Variants in RHOBTB1 observed in about 807,000 individuals in gnomAD.
The protein encoded by RHOBTB1 is Rho related BTB domain containing 1.
In RHOBTB1, 40 loss-of-function variants were observed where a neutral mutation model predicts 71.6. The ratio of observed to expected loss-of-function variants is 0.56; its 90% CI spans 0.43 to 0.73. RHOBTB1 has a LOEUF of 0.73. Ranked by LOEUF, RHOBTB1 falls within the 30% of genes least tolerant of loss-of-function variation. The probability of loss-of-function intolerance (pLI) is 0.00; values close to 1 mark genes in which losing one functional copy is unlikely to be tolerated. For missense variants in RHOBTB1, 797 were observed against 894.0 expected, an observed-to-expected ratio of 0.89 and a Z score of 1.38; for synonymous variants, 319 against 334.9, an observed-to-expected ratio of 0.95 and a Z score of 0.52.
intron 1 of RHOBTB1, among the ~76,000 whole-genome samples, chr10:60,999,532 T>C (rs1409784951): frequency 6.6e-6 from 1 of 152,200 alleles, no homozygotes; most frequent in Non-Finnish European, 1.5e-5. Flanking sequence ...AACAAACCAA[T>C]TATCTGCAGG....
chr10:60,875,080 C>A, intron 8 of RHOBTB1, 38 bp from the exon 9 acceptor site: 1 of 1,524,136 alleles, frequency 6.6e-7, no homozygotes, highest in Non-Finnish European at 9.1e-7. Flanking sequence ...CATTAAACCA[C>A]GCCCTGCGAG....
chr10:60,873,430 T>C (rs1417499683), intron 9 of RHOBTB1, among the ~76,000 whole-genome samples: 1 of 152,174 alleles, frequency 6.6e-6, no homozygotes, highest in Admixed American at 6.5e-5. Context: ...TAGGGTCTAA[T>C]GAATGAGCAT....
chr10:60,935,937 A>G (rs2084554221), intron 2 of RHOBTB1, among the ~76,000 whole-genome samples: 1 of 152,222 alleles, frequency 6.6e-6, no homozygotes, highest in African/African-American at 2.4e-5. Flanking sequence ...TTTACACCAC[A>G]GAAATCAGCA....
intron 1 of RHOBTB1, among the ~76,000 whole-genome samples, chr10:60,998,494 G>C (rs1417821997): frequency 6.6e-6 from 1 of 152,188 alleles, no homozygotes; most frequent in Admixed American, 6.6e-5. Context: ...ACTTCGGTTT[G>C]TAATCGGCTC....
In RHOBTB1 at chr10:60,964,927, C is replaced by T. The variant is rs73266094; in HGVS notation, c.-62+20918G>A. Among the ~76,000 whole-genome samples, 801 of 152,130 alleles carry T rather than the reference C, an allele frequency of 5.3e-3. 12 individuals carry two copies. The highest frequency in any genetic ancestry group is 0.018 in the African/African-American group (742 of 41,536). On this transcript the variant is annotated intron_variant, in intron 2 of 11. Transcript: ENST00000357917. ...TACCTTATAGGCAGAAATTAATCTGCTCTTTCATTCCTAAAGTCTTAAGGA... is the reference window on the plus strand; with the variant it reads ...TACCTTATAGGCAGAAATTAATCTGTTCTTTCATTCCTAAAGTCTTAAGGA...
chr10:60,913,406 A>G lies in RHOBTB1; in HGVS notation c.-10-1854T>C, dbSNP rs114443875. On this transcript the variant is annotated intron_variant, in intron 2 of 10. Coordinates refer to ENST00000337910, the MANE Select transcript of RHOBTB1 (RefSeq NM_014836.5). The stretch of plus-strand genomic sequence containing the variant: ...CTTATCCTGAACATCCTGGGTGGGG[A>G]AAAAGAGTCTTTAAAAATCTCCAAT... Among the ~76,000 whole-genome samples the G allele has an allele frequency of 7.6e-3, 1,155 of 152,322 alleles. 16 individuals are homozygous for G. The highest frequency in any genetic ancestry group is 0.026 in the African/African-American group (1,083 of 41,552).
intron 2 of RHOBTB1, among the ~76,000 whole-genome samples, chr10:60,965,322 C>A (rs1175048154): frequency 6.6e-6 from 1 of 151,944 alleles, no homozygotes; most frequent in Non-Finnish European, 1.5e-5. Flanking sequence ...TCACTAGACT[C>A]TTGGATGACT....
chr10:60,968,480 A>C (rs2086047214), intron 2 of RHOBTB1, among the ~76,000 whole-genome samples: 2 of 152,124 alleles, frequency 1.3e-5, no homozygotes, highest in Admixed American at 1.3e-4. Flanking sequence ...GCAGACACAG[A>C]GCTGGGTGCT....
intron 2 of RHOBTB1, among the ~76,000 whole-genome samples, chr10:60,957,521 G>T (rs540652623): frequency 6.6e-6 from 1 of 152,200 alleles, no homozygotes; most frequent in East Asian, 1.9e-4. Flanking sequence ...TTCCCAGATT[G>T]GTGCAGTGGT....
chr10:60,965,998 A>C (rs2085944427), intron 2 of RHOBTB1, among the ~76,000 whole-genome samples: 1 of 152,160 alleles, frequency 6.6e-6, no homozygotes, highest in African/African-American at 2.4e-5. Context: ...ATAAATATAT[A>C]ATTTTAAAAA....
intron 4 of RHOBTB1, among the ~76,000 whole-genome samples, chr10:60,899,867 CAG>C (rs2082331154): frequency 6.6e-6 from 1 of 152,034 alleles, no homozygotes; most frequent in South Asian, 2.1e-4. Flanking sequence ...GGAAAGGGGA[CAG>C]AGATATTGGG....
chr10:60,993,048 G>C (rs2086922475), intron 1 of RHOBTB1, among the ~76,000 whole-genome samples: 1 of 152,126 alleles, frequency 6.6e-6, no homozygotes, highest in Non-Finnish European at 1.5e-5. Context: ...AAGAGAACGA[G>C]GGCTTCGGGC....
intron 2 of RHOBTB1, among the ~76,000 whole-genome samples, chr10:60,925,841 C>T (rs150868466): frequency 7.1e-4 from 108 of 152,228 alleles, no homozygotes; most frequent in African/African-American, 2.3e-3. Flanking sequence ...CATATACAGC[C>T]TACAAAGATA....
At chr10:60,911,086 C>T (rs1463275543) in intron 3 of RHOBTB1, 96 bp from the exon 4 acceptor site, 1 of 951,714 alleles carries the variant, frequency 1.1e-6, no homozygotes, top group Non-Finnish European at 1.6e-6. Context: ...CATCAATTCA[C>T]TTGCATTAAG....
intron 2 of RHOBTB1, among the ~76,000 whole-genome samples, chr10:60,960,582 C>G (rs1320734505): frequency 6.6e-6 from 1 of 152,166 alleles, no homozygotes; most frequent in Non-Finnish European, 1.5e-5. Context: ...AATATTAATA[C>G]TGGAAATATT....
At chr10:60,918,936 G>C (rs756469750) in intron 2 of RHOBTB1, among the ~76,000 whole-genome samples, 20 of 151,906 alleles carry the variant, frequency 1.3e-4, no homozygotes, top group Non-Finnish European at 2.6e-4. Context: ...AGTAGAGATG[G>C]GGTTTCTCCA....
chr10:60,910,821 C>A, intron 4 of RHOBTB1, 66 bp downstream of exon 4: 1 of 1,191,200 alleles, frequency 8.4e-7, no homozygotes, highest in Non-Finnish European at 1.2e-6. Context: ...GATTTGTAAA[C>A]CCGCTGCTGG....
At chr10:60,933,207 G>GT (rs1160362348) in intron 2 of RHOBTB1, among the ~76,000 whole-genome samples, 1 of 152,166 alleles carries the variant, frequency 6.6e-6, no homozygotes, top group Non-Finnish European at 1.5e-5. Flanking sequence ...TTCAGGGCAT[G>GT]TTCCTATACC....
intron 2 of RHOBTB1, among the ~76,000 whole-genome samples, chr10:60,935,571 G>A (rs58678854): frequency 0.045 from 6,844 of 152,118 alleles, 255 homozygotes; most frequent in African/African-American, 0.097. Context: ...GTAAAGCAAG[G>A]TTGGGAATCA....
Sources: allele counts gnomAD v4.1 joint callset (sites outside exome capture counted in the v4.1 genomes callset), GRCh38; gene constraint gnomAD v4.1.1; transcripts MANE v1.5; gene names NCBI Gene and HGNC (gene_info 2026-07-23, HGNC 2026-07-21).